The following MAP3K10 variants were observed in gnomAD, a reference collection of about 807,000 sequenced individuals.
MAP3K10 encodes the protein mitogen-activated protein kinase kinase kinase 10.
In MAP3K10, 22 loss-of-function variants were observed where a neutral mutation model predicts 75.0. The observed-to-expected ratio is 0.29, with a 90% CI of 0.21 to 0.42. The LOEUF (loss-of-function observed/expected upper bound fraction) is 0.42. Ranked by LOEUF, MAP3K10 falls within the 10% of genes least tolerant of loss-of-function variation. MAP3K10 has a pLI of 1.00. For synonymous variants in MAP3K10, 599 were observed against 612.9 expected (o/e 0.98, Z 0.34); for missense variants, 1,165 against 1,379.8 (o/e 0.84, Z 2.47).
chr19:40,206,380 G>A (rs564153418), intron 5 of MAP3K10: 131 of 459,628 alleles, frequency 2.9e-4, no homozygotes, highest in Admixed American at 2.5e-4. Context: ...ACCAGCCTGG[G>A]CAACATAGAC....
intron 6 of MAP3K10, among the ~76,000 whole-genome samples, chr19:40,210,389 G>A (rs985517333): frequency 6.6e-6 from 1 of 152,180 alleles, no homozygotes; most frequent in Non-Finnish European, 1.5e-5. Flanking sequence ...GAAAGCCGGT[G>A]ATGTAGTTCC....
In MAP3K10 at chr19:40,213,235, G is replaced by C; in HGVS notation, c.1837+47G>C. 6.6e-7 allele frequency: 1 copy of C among 1,514,420 alleles called. No individual in the cohort carries two copies. The highest frequency in any genetic ancestry group is 8.9e-7 in the Non-Finnish European group (1 of 1,129,296). The allele number at this position is 1,514,420 out of a possible 1,614,324, so 93.8% of individuals were successfully genotyped here. A position where few individuals can be genotyped will look rare whatever the true frequency, so the allele number is the denominator to read the frequency against. ...AGGGGGTGGGGGTTCCCTGGCCAAAGGGGTGAGCCTCCTGGGGCTGAGCGA... is the reference window on the plus strand; with the variant it reads ...AGGGGGTGGGGGTTCCCTGGCCAAACGGGTGAGCCTCCTGGGGCTGAGCGA... On this transcript the variant is annotated intron_variant, in intron 8 of 9. Coordinates refer to ENST00000253055, the MANE Select transcript of MAP3K10 (RefSeq NM_002446.4). The surrounding 1 kb of genome is among the most constrained non-coding windows in gnomAD (Gnocchi z 5.7).
At chr19:40,201,234 G>A (rs1333503801) in intron 2 of MAP3K10, among the ~76,000 whole-genome samples, 7 of 150,248 alleles carry the variant, frequency 4.7e-5, no homozygotes, top group Admixed American at 6.6e-5. Context: ...GTACAGCGGC[G>A]CGATCTTGGC....
intron 1 of MAP3K10, among the ~76,000 whole-genome samples, chr19:40,193,492 G>T (rs1029462933): frequency 1.3e-5 from 2 of 152,182 alleles, no homozygotes; most frequent in Non-Finnish European, 2.9e-5. Flanking sequence ...ATTTCTAGAT[G>T]GAAGAGCTTC....
intron 5 of MAP3K10, 83 bp from the exon 6 acceptor site, chr19:40,209,020 C>G: frequency 1.0e-6 from 1 of 977,366 alleles, no homozygotes; most frequent in Non-Finnish European, 1.6e-6. Flanking sequence ...TTCTAGAATT[C>G]CTTCTCTACT....
Position 40,213,012 on chromosome 19 carries a change from A to G in MAP3K10, c.1724+36A>G. 1 of 1,592,432 alleles carries G rather than the reference A, an allele frequency of 6.3e-7. No individual in the cohort carries two copies. The highest frequency in any genetic ancestry group is 8.6e-7 in the Non-Finnish European group (1 of 1,167,932). ...GTGTGGTCATGCCCACCCTGTGCCC[A>G]AGCCCCAGCTCCCAGGCTCCAGGCC... On this transcript the variant is annotated intron_variant, in intron 7 of 9. Coordinates refer to ENST00000253055, the MANE Select transcript of MAP3K10 (RefSeq NM_002446.4). The surrounding 1 kb of genome is among the most constrained non-coding windows in gnomAD (Gnocchi z 5.7).
intron 2 of MAP3K10, among the ~76,000 whole-genome samples, chr19:40,203,880 G>A (rs1237122941): frequency 6.6e-6 from 1 of 152,188 alleles, no homozygotes; most frequent in East Asian, 1.9e-4. Context: ...AGACTTGAGG[G>A]ACAAATAGTT....
intron 1 of MAP3K10, among the ~76,000 whole-genome samples, chr19:40,194,643 G>A (rs1020213030): frequency 2.6e-5 from 4 of 152,198 alleles, no homozygotes; most frequent in African/African-American, 9.7e-5. Context: ...CTCTGTGCCA[G>A]AAACAGAGGA....
chr19:40,211,790 C>T (rs1395040327), intron 6 of MAP3K10, among the ~76,000 whole-genome samples: 1 of 152,154 alleles, frequency 6.6e-6, no homozygotes, highest in East Asian at 1.9e-4. Context: ...ATGGTGCGAT[C>T]TCAACTCACT....
At position 40,192,003 on chromosome 19, in the gene MAP3K10, G is replaced by C; in HGVS notation, c.-29G>C. On this transcript the variant is annotated 5_prime_UTR_variant, in exon 1 of 10. Coordinates refer to ENST00000253055, the MANE Select transcript of MAP3K10 (RefSeq NM_002446.4). The surrounding 1 kb of genome is among the most constrained non-coding windows in gnomAD (Gnocchi z 7.1). ...ATCCCGCGGGCAGCCTGTGTGAAGC[G>C]GCCTCCCGCAGCCCCCGGCCCCTCC... The C allele has an allele frequency of 7.3e-7, 1 of 1,373,454 alleles. No individual in the cohort carries two copies. The highest frequency in any genetic ancestry group is 2.8e-5 in the East Asian group (1 of 35,204). The allele number at this position is 1,373,454 out of a possible 1,614,324, so 85.1% of individuals were successfully genotyped here.
rs1972825158 is a variant in MAP3K10, at chr19:40,192,049, G to A, written c.18G>A (p.Gly6=). 5 of 1,446,418 alleles carry A rather than the reference G, an allele frequency of 3.5e-6. No homozygotes were observed. In the South Asian group the frequency reaches 5.8e-5, roughly 17 times the overall value. The allele number at this position is 1,446,418 out of a possible 1,614,324, so 89.6% of individuals were successfully genotyped here. A position where few individuals can be genotyped will look rare whatever the true frequency, so the allele number is the denominator to read the frequency against. ...CCTCCCCCATGGAGGAGGAGGAGGG[G>A]GCGGTGGCCAAGGAGTGGGGCACGA... MEEEE[G]AVAKEWGTTP... is the part of the protein sequence containing the mutation. Residue 6 remains glycine, a synonymous_variant, in exon 1 of 10, where the codon GGG becomes GGA. Coordinates refer to ENST00000253055, the MANE Select transcript of MAP3K10 (RefSeq NM_002446.4). This position sits in a 1 kb window ranked among gnomAD's most constrained non-coding sequence, Gnocchi z 7.1.
intron 5 of MAP3K10, among the ~76,000 whole-genome samples, chr19:40,207,315 C>T (rs1023881222): frequency 1.3e-5 from 2 of 151,994 alleles, no homozygotes; most frequent in Non-Finnish European, 2.9e-5. Flanking sequence ...TGTGATGTTA[C>T]AAGCCAGAAA....
rs774789927 is a variant in MAP3K10 at position 40,212,961 on chromosome 19, T to G, written c.1709T>G (p.Val570Gly). Residue 570 changes from valine (V) to glycine (G), a missense_variant, in exon 7 of 10, where the codon GTG becomes GGG. Val to Gly is a moderately radical substitution (Grantham distance 109, BLOSUM62 -3). Coordinates refer to ENST00000253055, the MANE Select transcript of MAP3K10 (RefSeq NM_002446.4). This position sits in a 1 kb window ranked among gnomAD's most constrained non-coding sequence, Gnocchi z 4.2. Reference protein sequence around the residue: ...GPSSTLQKERVGGEERLKGLG... With the variant: ...GPSSTLQKERGGGEERLKGLG... The stretch of plus-strand genomic sequence containing the variant: ...AGCTCCACCCTGCAGAAGGAGCGGG[T>G]GGGAGGAGAGGAGAGGTGAGGTGTG... 1 of 1,605,890 alleles carries G rather than the reference T, an allele frequency of 6.2e-7. No individual in the cohort carries two copies. Among genetic ancestry groups the G allele is most frequent in the East Asian group, 2.2e-5 (1 of 44,794 alleles).
chr19:40,204,788 G>T lies in MAP3K10; in HGVS notation c.1012+155G>T, dbSNP rs1973086344. ...CTGGACTCTAAACAGCCTCCCCATG[G>T]TTGGCTCCATCCCCCACATCCCAGC... On this transcript the variant is annotated intron_variant, in intron 3 of 9. Transcript: ENST00000253055. The surrounding 1 kb of genome is among the most constrained non-coding windows in gnomAD (Gnocchi z 4.3). The T allele has an allele frequency of 2.1e-6, 2 of 933,398 alleles. No homozygotes were observed. The highest frequency in any genetic ancestry group is 3.3e-5 in the African/African-American group (2 of 60,052). 57.8% of individuals were successfully genotyped at this position (933,398 alleles called of 1,614,324 possible).
At chr19:40,193,467 C>T (rs1248595061) in intron 1 of MAP3K10, among the ~76,000 whole-genome samples, 1 of 152,218 alleles carries the variant, frequency 6.6e-6, no homozygotes, top group Non-Finnish European at 1.5e-5. Flanking sequence ...TAGAAGGGAA[C>T]ATTCTGCAAG....
Position 40,198,826 on chromosome 19 carries a change from G to A in MAP3K10, c.863+271G>A, listed in dbSNP as rs931243363. Among the ~76,000 whole-genome samples, 3 of 152,260 alleles carry A rather than the reference G, an allele frequency of 2.0e-5. No homozygotes were observed. Among genetic ancestry groups the A allele is most frequent in the African/African-American group, 7.2e-5 (3 of 41,468 alleles). ...CGCACACCTGTAATCCCAGCACTTT[G>A]GGAGGCCGAGGTGGGCGGATCACTT... On this transcript the variant is annotated intron_variant, in intron 2 of 9. Coordinates refer to ENST00000253055, the MANE Select transcript of MAP3K10 (RefSeq NM_002446.4). The surrounding 1 kb of genome is among the most constrained non-coding windows in gnomAD (Gnocchi z 4.3).
intron 9 of MAP3K10, 125 bp downstream of exon 9, chr19:40,214,346 G>A (rs564715191): frequency 3.4e-6 from 4 of 1,166,244 alleles, no homozygotes; most frequent in Non-Finnish European, 4.5e-6. Flanking sequence ...GAGGAGGGAG[G>A]GTCTGTGTCC....
Position 40,213,329 on chromosome 19 carries a change from C to T in MAP3K10, c.1837+141C>T, listed in dbSNP as rs918265490. 2.3e-5 allele frequency: 33 copies of T among 1,450,068 alleles called. No homozygotes were observed. The highest frequency in any genetic ancestry group is 2.8e-5 in the Non-Finnish European group (31 of 1,106,072). The allele number at this position is 1,450,068 out of a possible 1,614,324, so 89.8% of individuals were successfully genotyped here. On this transcript the variant is annotated intron_variant, in intron 8 of 9. Transcript: ENST00000253055. This position sits in a 1 kb window ranked among gnomAD's most constrained non-coding sequence, Gnocchi z 5.7. ...GGAAGGGAGATGGTGGCCCCTGGGG[C>T]GTGGGGGGTCATTTCCAGGGGCAGG... is the stretch of plus-strand genomic sequence containing the variant.
At chr19:40,209,537 C>T (rs532582652) in intron 6 of MAP3K10, among the ~76,000 whole-genome samples, 41 of 151,956 alleles carry the variant, frequency 2.7e-4, no homozygotes, top group African/African-American at 8.9e-4. Flanking sequence ...CTCAGCCTCC[C>T]GAGTAGCTGT....
Sources: allele counts gnomAD v4.1 joint callset (sites outside exome capture counted in the v4.1 genomes callset), GRCh38; gene constraint gnomAD v4.1.1; non-coding constraint Gnocchi (gnomAD v3.1); transcripts MANE v1.5; gene names NCBI Gene and HGNC (gene_info 2026-07-23, HGNC 2026-07-21).